RNF220: variants seen among roughly 807,000 people sequenced by gnomAD.
RNF220 encodes the protein E3 ubiquitin-protein ligase RNF220.
A neutral mutation model predicts 67.1 loss-of-function variants in RNF220; 7 were observed. That is an observed-to-expected ratio of 0.10 (90% CI 0.06 to 0.20). The LOEUF (loss-of-function observed/expected upper bound fraction) is 0.20. RNF220 is among the 10% of genes least tolerant of loss of function. The pLI is 1.00. For missense variants in RNF220, 565 were observed against 740.3 expected (o/e 0.76, Z 2.75); for synonymous variants, 270 against 283.2 (o/e 0.95, Z 0.47).
rs1347814284 is a variant in RNF220 at position 44,580,024 on chromosome 1, G to A, written c.626-34141G>A. On this transcript the variant is annotated intron_variant, in intron 2 of 14. Transcript: ENST00000361799. ...AGCCAGGGCAACAGAGCAAGACCCT[G>A]TCTCACAAAAAAAAAAAAAAAAAAA... Among the ~76,000 whole-genome samples the A allele has an allele frequency of 8.4e-5, 5 of 59,762 alleles. 1 individual carries two copies. The Admixed American group carries it at 9.1e-4, about 11-fold the overall frequency. The allele number at this position is 59,762 out of a possible 152,430, so 39.2% of individuals were successfully genotyped here. A position where few individuals can be genotyped will look rare whatever the true frequency, so the allele number is the denominator to read the frequency against.
At chr1:44,594,303 C>T (rs1031439918) in intron 2 of RNF220, among the ~76,000 whole-genome samples, 8 of 152,096 alleles carry the variant, frequency 5.3e-5, no homozygotes, top group Admixed American at 5.2e-4. Context: ...CCCTCCTCCT[C>T]CTTTCACTCC....
At chr1:44,553,604 C>G (rs1486204364) in intron 2 of RNF220, among the ~76,000 whole-genome samples, 1 of 152,124 alleles carries the variant, frequency 6.6e-6, no homozygotes, top group African/African-American at 2.4e-5. Flanking sequence ...TACACTCTGC[C>G]CATCAACAGG....
intron 7 of RNF220, 183 bp downstream of exon 7, chr1:44,635,771 C>G (rs1191975780): frequency 5.0e-6 from 7 of 1,412,382 alleles, no homozygotes; most frequent in Non-Finnish European, 9.4e-7. Context: ...CATGTGGTCT[C>G]AGCAGCTTCT....
intron 2 of RNF220, among the ~76,000 whole-genome samples, chr1:44,562,531 C>G (rs1663655103): frequency 1.3e-5 from 2 of 152,202 alleles, no homozygotes; most frequent in Admixed American, 1.3e-4. Flanking sequence ...GAGGCCATTT[C>G]CTGAGCAAAG....
intron 2 of RNF220, among the ~76,000 whole-genome samples, chr1:44,479,279 A>C (rs767992839): frequency 9.2e-5 from 14 of 151,900 alleles, no homozygotes; most frequent in Non-Finnish European, 2.1e-4. Flanking sequence ...CCAGTGCCCA[A>C]CTAATTTTTT....
At chr1:44,535,219 C>A (rs942636795) in intron 2 of RNF220, among the ~76,000 whole-genome samples, 6 of 149,762 alleles carry the variant, frequency 4.0e-5, no homozygotes, top group African/African-American at 1.5e-4. Context: ...CAGCTCACCG[C>A]AACCTCTGCC....
At chr1:44,459,139 G>A (rs756793231) in intron 2 of RNF220, among the ~76,000 whole-genome samples, 2 of 152,046 alleles carry the variant, frequency 1.3e-5, no homozygotes, top group Non-Finnish European at 2.9e-5. Context: ...TAAGTGTAAG[G>A]AAGTTCAATA....
chr1:44,484,226 G>C (rs1031369578), intron 2 of RNF220, among the ~76,000 whole-genome samples: 8 of 152,144 alleles, frequency 5.3e-5, no homozygotes, highest in Middle Eastern at 3.2e-3. Context: ...GGATCCCCCT[G>C]CTGGATGCTG....
chr1:44,466,678 A>G (rs1484519227), intron 2 of RNF220, among the ~76,000 whole-genome samples: 4 of 152,236 alleles, frequency 2.6e-5, no homozygotes, highest in South Asian at 4.1e-4. Flanking sequence ...ATCAGAGCAC[A>G]TGGGTGACCA....
At chr1:44,488,727 C>CTTT (rs55968850) in intron 2 of RNF220, among the ~76,000 whole-genome samples, 45 of 102,558 alleles carry the variant, frequency 4.4e-4, no homozygotes, top group African/African-American at 9.0e-4. Context: ...TTTCTTTTTT[C>CTTT]TTTTTTTTTT....
intron 8 of RNF220, among the ~76,000 whole-genome samples, chr1:44,638,644 G>A (rs1330243428): frequency 1.3e-5 from 2 of 152,184 alleles, no homozygotes; most frequent in Non-Finnish European, 2.9e-5. Context: ...GTAATCTGCT[G>A]TGGGAAGCAG....
chr1:44,410,240 T>C, intron 1 of RNF220, among the ~76,000 whole-genome samples: 1 of 152,236 alleles, frequency 6.6e-6, no homozygotes, highest in Non-Finnish European at 1.5e-5. Context: ...GATAAGTAGC[T>C]ATTTCTGTTG....
At chr1:44,614,080 G>A in intron 2 of RNF220, 85 bp from the exon 3 acceptor site, 1 of 1,575,046 alleles carries the variant, frequency 6.3e-7, no homozygotes, top group Non-Finnish European at 8.7e-7. Context: ...GGCAGCAGCA[G>A]GCTTGGGTTT....
intron 2 of RNF220, among the ~76,000 whole-genome samples, chr1:44,509,908 G>GAAAAAAAA (rs1658829694): frequency 8.5e-6 from 1 of 117,704 alleles, no homozygotes; most frequent in African/African-American, 3.1e-5. Context: ...AAAAAAAAAG[G>GAAAAAAAA]AAGGAAGGAA....
chr1:44,487,773 A>G (rs1229266135), intron 2 of RNF220, among the ~76,000 whole-genome samples: 1 of 149,960 alleles, frequency 6.7e-6, no homozygotes, highest in Non-Finnish European at 1.5e-5. Flanking sequence ...CCAGCTACTC[A>G]GGAGACTGAG....
chr1:44,485,274 C>T (rs1557971346), intron 2 of RNF220, among the ~76,000 whole-genome samples: 1 of 152,174 alleles, frequency 6.6e-6, no homozygotes, highest in African/African-American at 2.4e-5. Flanking sequence ...AGACTATTCT[C>T]TCCCTCCCCC....
Position 44,644,706 on chromosome 1 carries a change from T to G in RNF220, c.1135T>G (p.Phe379Val). Reference protein sequence around the residue: ...LLEGGFRGSGFIMCSGKENPD... With the variant: ...LLEGGFRGSGVIMCSGKENPD... ...CACCCTGCTTCCCACAGGCTCTGGC[T>G]TCATCATGTGCAGCGGCAAAGAGAA... The change falls in exon 9 of 15, where the codon TTC (phenylalanine) becomes GTC (valine). Residue 379 changes from phenylalanine to valine, a missense_variant. Coordinates refer to ENST00000361799, the MANE Select transcript of RNF220 (RefSeq NM_018150.4). The G allele has an allele frequency of 6.2e-7, 1 of 1,613,946 alleles. No individual in the cohort carries two copies.
At chr1:44,480,429 A>T (rs1046560802) in intron 2 of RNF220, among the ~76,000 whole-genome samples, 1 of 151,998 alleles carries the variant, frequency 6.6e-6, no homozygotes, top group Non-Finnish European at 1.5e-5. Context: ...TAATTAATTA[A>T]GTGATTGCAA....
At chr1:44,576,624 T>G (rs760798532) in intron 2 of RNF220, among the ~76,000 whole-genome samples, 53 of 152,070 alleles carry the variant, frequency 3.5e-4, no homozygotes, top group Non-Finnish European at 6.3e-4. Context: ...GGATTTGCCT[T>G]GTAAACAGCT....
Sources: gnomAD v4.1 joint callset for allele counts (sites outside exome capture counted in the v4.1 genomes callset) on GRCh38, gnomAD v4.1.1 for gene constraint, MANE v1.5 for transcripts, NCBI Gene and HGNC (gene_info 2026-07-23, HGNC 2026-07-21) for gene names.